ENTHD1: variants seen among roughly 807,000 people sequenced by gnomAD.
ENTHD1 encodes ENTH domain containing 1.
A neutral mutation model predicts 39.1 loss-of-function variants in ENTHD1; 23 were observed. That is an observed-to-expected ratio of 0.59 (90% CI 0.42 to 0.83). The LOEUF (loss-of-function observed/expected upper bound fraction) is 0.83. Ranked by LOEUF, ENTHD1 falls within the 40% of genes least tolerant of loss-of-function variation. The pLI is 0.00. For missense variants in ENTHD1, 624 were observed against 705.4 expected (o/e 0.88, Z 1.31); for synonymous variants, 230 against 258.2 (o/e 0.89, Z 1.05).
intron 6 of ENTHD1, among the ~76,000 whole-genome samples, chr22:39,754,405 C>T (rs1281489891): frequency 6.6e-6 from 1 of 152,204 alleles, no homozygotes; most frequent in Non-Finnish European, 1.5e-5. Context: ...CTTGCCAGCT[C>T]CTTCTTCCAT....
In ENTHD1 at chr22:39,859,087, G is replaced by A. The variant is rs55854950; in HGVS notation, c.592+2678C>T. Among the ~76,000 whole-genome samples, 1,128 of 152,312 alleles carry A rather than the reference G, an allele frequency of 7.4e-3. 15 individuals are homozygous for A. Among genetic ancestry groups the A allele is most frequent in the African/African-American group, 0.026 (1,081 of 41,562 alleles). ...TTTGTACTTGTGTGTTATGGTGACA[G>A]TTGCTTTCCTTGAACCTCATGAACC... On this transcript the variant is annotated intron_variant, in intron 3 of 6. Coordinates refer to ENST00000325157, the MANE Select transcript of ENTHD1 (RefSeq NM_152512.4).
At chr22:39,838,091 T>C (rs77395217) in intron 3 of ENTHD1, among the ~76,000 whole-genome samples, 11,395 of 152,238 alleles carry the variant, frequency 0.075, 487 homozygotes, top group South Asian at 0.13. Context: ...ACAATAAAAT[T>C]ATTTTCTCAA....
chr22:39,872,259 A>T (rs1295202747), intron 2 of ENTHD1, among the ~76,000 whole-genome samples: 1 of 152,190 alleles, frequency 6.6e-6, no homozygotes, highest in Admixed American at 6.5e-5. Context: ...TAGCCTTGAC[A>T]TGGCTAATCA....
intron 5 of ENTHD1, among the ~76,000 whole-genome samples, chr22:39,767,462 A>C (rs183823600): frequency 2.1e-3 from 325 of 152,266 alleles, no homozygotes; most frequent in Admixed American, 6.7e-3. Context: ...CATTTCTATG[A>C]AAAACAAAAC....
intron 1 of ENTHD1, among the ~76,000 whole-genome samples, chr22:39,888,260 C>CTTTT (rs61092462): frequency 6.1e-4 from 68 of 110,592 alleles, no homozygotes; most frequent in South Asian, 1.5e-3. Flanking sequence ...TTCTTTCTTT[C>CTTTT]TTTTTTTTTT....
intron 2 of ENTHD1, among the ~76,000 whole-genome samples, chr22:39,862,546 CA>C (rs553393294): frequency 4.3e-3 from 300 of 70,358 alleles, no homozygotes; most frequent in Middle Eastern, 0.037. Flanking sequence ...GACTCTGTCT[CA>C]AAAAAAAAAA....
chr22:39,752,112 T>C (rs1002173081), intron 6 of ENTHD1, among the ~76,000 whole-genome samples: 10 of 151,990 alleles, frequency 6.6e-5, no homozygotes, highest in African/African-American at 2.4e-4. Flanking sequence ...GAGAGAGAAA[T>C]AGATATACTT....
chr22:39,770,514 C>G (rs1338641436), intron 5 of ENTHD1, among the ~76,000 whole-genome samples: 2 of 152,158 alleles, frequency 1.3e-5, no homozygotes, highest in African/African-American at 2.4e-5. Context: ...CACAGAGCCC[C>G]TTCTTCAAGC....
At chr22:39,860,069 T>G (rs1193948015) in intron 3 of ENTHD1, among the ~76,000 whole-genome samples, 2 of 152,202 alleles carry the variant, frequency 1.3e-5, no homozygotes, top group African/African-American at 4.8e-5. Flanking sequence ...TTTACAGGAC[T>G]TGTTATTATC....
At position 39,805,809 on chromosome 22, in the gene ENTHD1, G is replaced by GT. The variant is rs1037029146; in HGVS notation, c.832+15183dup. 6.0e-4 allele frequency among the ~76,000 whole-genome samples: 90 copies of GT among 151,208 alleles called. No individual in the cohort carries two copies. The Middle Eastern group carries it at 0.027, about 46-fold the overall frequency. ...GGAAATTTAAGATTTTGGTTTGTTTGTTTTTTTTTGAATTACAGACATATA... is the reference window on the plus strand; with the variant it reads ...GGAAATTTAAGATTTTGGTTTGTTTGTTTTTTTTTTGAATTACAGACATATA... On this transcript the variant is annotated intron_variant, in intron 5 of 6. Transcript: ENST00000325157.
At chr22:39,842,472 T>G (rs2065952040) in intron 3 of ENTHD1, among the ~76,000 whole-genome samples, 1 of 152,240 alleles carries the variant, frequency 6.6e-6, no homozygotes, top group African/African-American at 2.4e-5. Flanking sequence ...CCCTTCTCGC[T>G]TCATTTCATT....
At chr22:39,887,348 T>C (rs767866918) in intron 2 of ENTHD1, 52 bp downstream of exon 2, 4 of 1,464,644 alleles carry the variant, frequency 2.7e-6, no homozygotes, top group Non-Finnish European at 3.7e-6. Flanking sequence ...TGCACCAGGA[T>C]TACCGGTGTA....
At chr22:39,825,885 T>A (rs1158520803) in intron 4 of ENTHD1, among the ~76,000 whole-genome samples, 1 of 152,096 alleles carries the variant, frequency 6.6e-6, no homozygotes, top group Non-Finnish European at 1.5e-5. Context: ...CTTGGTTTTG[T>A]TTTTGAGACA....
chr22:39,773,032 C>G (rs1467351958), intron 5 of ENTHD1, among the ~76,000 whole-genome samples: 1 of 149,606 alleles, frequency 6.7e-6, no homozygotes, highest in East Asian at 2.0e-4. Context: ...GCCTGTAATC[C>G]CAGCATTTTG....
intron 1 of ENTHD1, among the ~76,000 whole-genome samples, chr22:39,891,708 T>A (rs890141429): frequency 6.6e-6 from 1 of 151,690 alleles, no homozygotes; most frequent in Non-Finnish European, 1.5e-5. Context: ...AACCTCCACC[T>A]CCCAGGTTCA....
At chr22:39,850,391 T>C (rs915352918) in intron 3 of ENTHD1, among the ~76,000 whole-genome samples, 1 of 152,168 alleles carries the variant, frequency 6.6e-6, no homozygotes, top group African/African-American at 2.4e-5. Flanking sequence ...TTAGTTTGTA[T>C]ATGCCTGACT....
chr22:39,840,627 A>C (rs1444037499), intron 3 of ENTHD1, among the ~76,000 whole-genome samples: 2 of 152,224 alleles, frequency 1.3e-5, no homozygotes, highest in Non-Finnish European at 2.9e-5. Context: ...GAAAATATTC[A>C]GTGGGCTAAG....
At chr22:39,835,136 G>A (rs1320553809) in intron 4 of ENTHD1, among the ~76,000 whole-genome samples, 2 of 152,024 alleles carry the variant, frequency 1.3e-5, no homozygotes, top group Non-Finnish European at 2.9e-5. Flanking sequence ...TTGAAAAGTT[G>A]AACAATGAAT....
At chr22:39,778,388 T>A (rs2065382091) in intron 5 of ENTHD1, among the ~76,000 whole-genome samples, 1 of 152,198 alleles carries the variant, frequency 6.6e-6, no homozygotes, top group African/African-American at 2.4e-5. Context: ...ATGACAGTGA[T>A]ATGAAGAACT....
Sources: gnomAD v4.1 joint callset for allele counts (sites outside exome capture counted in the v4.1 genomes callset) on GRCh38, gnomAD v4.1.1 for gene constraint, MANE v1.5 for transcripts, NCBI Gene and HGNC (gene_info 2026-07-23, HGNC 2026-07-21) for gene names.